PSD3: variants seen among roughly 807,000 people sequenced by gnomAD.
The protein encoded by PSD3 is PH and SEC7 domain-containing protein 3.
A neutral mutation model predicts 105.5 loss-of-function variants in PSD3; 49 were observed. That is an observed-to-expected ratio of 0.46 (90% CI 0.37 to 0.59). The LOEUF (loss-of-function observed/expected upper bound fraction) is 0.59, where lower values mean the gene tolerates loss of function less well. Among genes scored for constraint, PSD3 ranks in the 20% least tolerant of loss-of-function variants. The pLI is 0.00. For synonymous variants in PSD3, 557 were observed against 457.8 expected (o/e 1.22, Z -2.77); for missense variants, 1,561 against 1,263.8 (o/e 1.24, Z -3.57).
rs1006027490 is a variant in PSD3 at position 18,533,600 on chromosome 8, T to G, written c.*2143A>C. ...TACAGACATTCTATATACATAGATA[T>G]AGACTGTGGGCAAACACATTCAAGC... On this transcript the variant is annotated 3_prime_UTR_variant, in exon 16 of 16. Transcript: ENST00000327040. 6.6e-6 allele frequency: 1 copy of G among 152,250 alleles called. No homozygotes were observed. The highest frequency in any genetic ancestry group is 2.4e-5 in the African/African-American group (1 of 41,468). 9.4% of individuals were successfully genotyped at this position (152,250 alleles called of 1,614,324 possible).
intron 9 of PSD3, among the ~76,000 whole-genome samples, chr8:18,752,261 CTG>C (rs1303837701): frequency 1.3e-5 from 2 of 150,668 alleles, no homozygotes; most frequent in Non-Finnish European, 2.9e-5. Context: ...ATCACTGACA[CTG>C]TGTTTTACGG....
intron 9 of PSD3, among the ~76,000 whole-genome samples, chr8:18,740,137 C>T (rs1176122206): frequency 6.6e-6 from 1 of 152,210 alleles, no homozygotes; most frequent in East Asian, 1.9e-4. Context: ...ACCCACTCCA[C>T]ATTCCCCTAG....
chr8:18,841,000 G>T (rs960659555), intron 4 of PSD3, among the ~76,000 whole-genome samples: 2 of 152,140 alleles, frequency 1.3e-5, no homozygotes, highest in African/African-American at 4.8e-5. Context: ...ACTACACTTG[G>T]TAAGGTTATT....
chr8:18,699,204 C>T (rs114967503), intron 9 of PSD3, among the ~76,000 whole-genome samples: 7 of 152,220 alleles, frequency 4.6e-5, no homozygotes, highest in African/African-American at 1.7e-4. Flanking sequence ...TTTTTAAGAG[C>T]CACTACTCAT....
intron 4 of PSD3, among the ~76,000 whole-genome samples, chr8:18,828,405 G>A (rs987165385): frequency 1.3e-5 from 2 of 151,996 alleles, no homozygotes; most frequent in African/African-American, 2.4e-5. Context: ...ATACGTTACA[G>A]CAACAACCAA....
At chr8:18,853,414 T>TC (rs1190319285) in intron 4 of PSD3, among the ~76,000 whole-genome samples, 5 of 152,088 alleles carry the variant, frequency 3.3e-5, no homozygotes, top group Non-Finnish European at 7.3e-5. Context: ...GGACATAATA[T>TC]CAACGGACTA....
At chr8:18,936,009 G>T (rs1409589366) in intron 2 of PSD3, 25 bp downstream of exon 2, 1 of 1,436,586 alleles carries the variant, frequency 7.0e-7, no homozygotes, top group Middle Eastern at 1.8e-4. Context: ...GTTTACCTGG[G>T]AGAGGGATAT....
At chr8:18,602,081 T>C (rs1804479011) in intron 11 of PSD3, among the ~76,000 whole-genome samples, 1 of 152,188 alleles carries the variant, frequency 6.6e-6, no homozygotes, top group Non-Finnish European at 1.5e-5. Flanking sequence ...AATGCTGGAA[T>C]GGAACCTGGA....
At chr8:18,746,717 C>T (rs969299203) in intron 9 of PSD3, among the ~76,000 whole-genome samples, 3 of 152,188 alleles carry the variant, frequency 2.0e-5, no homozygotes, top group Non-Finnish European at 2.9e-5. Context: ...TATTTATGTT[C>T]GTTCTTTCCT....
chr8:19,051,243 C>T (rs1586669652), intron 1 of PSD3, among the ~76,000 whole-genome samples: 1 of 144,294 alleles, frequency 6.9e-6, no homozygotes, highest in African/African-American at 2.4e-5. Context: ...ATCTTTGCCT[C>T]GATAACCAGC....
In PSD3 at chr8:18,807,606, C is replaced by T. The variant is rs114128818; in HGVS notation, c.1635-2708G>A. On this transcript the variant is annotated intron_variant, in intron 4 of 15. Coordinates refer to ENST00000327040, the MANE Select transcript of PSD3 (RefSeq NM_015310.4). ...TTAAAACTCTAAGTCAAATACCAAA[C>T]CACAGTCAATATCAATGGCAGAACA... Among the ~76,000 whole-genome samples the T allele has an allele frequency of 1.0e-3, 154 of 152,244 alleles. 1 individual carries two copies. Among genetic ancestry groups the T allele is most frequent in the African/African-American group, 3.6e-3 (150 of 41,546 alleles).
intron 2 of PSD3, among the ~76,000 whole-genome samples, chr8:18,896,897 G>A (rs1453538299): frequency 2.6e-5 from 4 of 151,614 alleles, no homozygotes; most frequent in South Asian, 4.2e-4. Context: ...CACAACCTCC[G>A]CCTCCCAGGT....
chr8:18,621,015 C>T (rs1806074650), intron 11 of PSD3, among the ~76,000 whole-genome samples: 1 of 152,204 alleles, frequency 6.6e-6, no homozygotes, highest in Non-Finnish European at 1.5e-5. Context: ...ACAGTGAAAA[C>T]TGAACATTCC....
intron 8 of PSD3, among the ~76,000 whole-genome samples, chr8:18,779,731 T>G (rs992549177): frequency 1.3e-5 from 2 of 152,196 alleles, no homozygotes; most frequent in Non-Finnish European, 2.9e-5. Flanking sequence ...TCCTTGTATT[T>G]GTACAATTTC....
Position 18,838,674 on chromosome 8 carries a change from A to G in PSD3, c.1634+29000T>C, listed in dbSNP as rs548941561. On this transcript the variant is annotated intron_variant, in intron 4 of 15. Coordinates refer to ENST00000327040, the MANE Select transcript of PSD3 (RefSeq NM_015310.4). ...AAATTAGCCGGGCGTGGTGGCGGGC[A>G]CCTGTAGTCCCAGCTACTTCGGGAG... is the stretch of plus-strand genomic sequence containing the variant. Among the ~76,000 whole-genome samples the G allele has an allele frequency of 5.9e-5, 9 of 151,550 alleles. 1 individual carries two copies. In the South Asian group the frequency reaches 1.5e-3, roughly 25 times the overall value.
chr8:18,894,627 G>A (rs925783252), intron 2 of PSD3, among the ~76,000 whole-genome samples: 1 of 152,168 alleles, frequency 6.6e-6, no homozygotes, highest in African/African-American at 2.4e-5. Flanking sequence ...CAAGATAACT[G>A]TAGATGAGAT....
At chr8:18,661,981 C>A (rs1809381736) in intron 9 of PSD3, among the ~76,000 whole-genome samples, 1 of 150,552 alleles carries the variant, frequency 6.6e-6, no homozygotes. Flanking sequence ...GGTAATAGAA[C>A]ATGCTTGAAT....
chr8:19,062,670 G>A (rs1828943668), intron 1 of PSD3, among the ~76,000 whole-genome samples: 1 of 152,136 alleles, frequency 6.6e-6, no homozygotes, highest in Non-Finnish European at 1.5e-5. Flanking sequence ...ATGCTTTAAA[G>A]TAGATGCATA....
At chr8:18,600,680 G>A (rs1264413257) in intron 11 of PSD3, among the ~76,000 whole-genome samples, 2 of 152,088 alleles carry the variant, frequency 1.3e-5, no homozygotes, top group African/African-American at 4.8e-5. Flanking sequence ...TTACAAAACT[G>A]AAACACAAGG....
Sources: gnomAD v4.1 joint callset for allele counts (sites outside exome capture counted in the v4.1 genomes callset) on GRCh38, gnomAD v4.1.1 for gene constraint, MANE v1.5 for transcripts, NCBI Gene and HGNC (gene_info 2026-07-23, HGNC 2026-07-21) for gene names.